The following SMPD3 variants were observed in gnomAD, a reference collection of about 807,000 sequenced individuals.
The protein encoded by SMPD3 is nSMase-2.
A neutral mutation model predicts 55.7 loss-of-function variants in SMPD3; 21 were observed. The ratio of observed to expected loss-of-function variants is 0.38; its 90% confidence interval spans 0.27 to 0.54. The LOEUF is 0.54. Ranked by LOEUF, SMPD3 falls within the 20% of genes least tolerant of loss-of-function variation. The pLI is 0.80. For synonymous variants in SMPD3, 457 were observed against 404.3 expected, an observed-to-expected ratio of 1.13 and a Z score of -1.56; for missense variants, 842 against 899.6, an observed-to-expected ratio of 0.94 and a Z score of 0.82.
chr16:68,411,663 G>A (rs888919038), intron 1 of SMPD3, among the ~76,000 whole-genome samples: 2 of 152,216 alleles, frequency 1.3e-5, no homozygotes, highest in Non-Finnish European at 1.5e-5. Context: ...CAGCAGCCAC[G>A]TAGAGCATCC....
intron 1 of SMPD3, among the ~76,000 whole-genome samples, chr16:68,420,337 T>A (rs1261917933): frequency 6.6e-6 from 1 of 152,240 alleles, no homozygotes; most frequent in Admixed American, 6.5e-5. Context: ...ACAATTGTTA[T>A]TGTCCCACTT....
intron 5 of SMPD3, 59 bp downstream of exon 5, chr16:68,364,692 G>T (rs182101010): frequency 2.8e-5 from 44 of 1,558,110 alleles, no homozygotes; most frequent in Non-Finnish European, 3.6e-5. Context: ...GTCTAGCTGT[G>T]ACTGAGCCCA....
intron 2 of SMPD3, among the ~76,000 whole-genome samples, chr16:68,385,914 GT>G (rs2090045405): frequency 6.6e-6 from 1 of 150,552 alleles, no homozygotes; most frequent in African/African-American, 2.5e-5. Flanking sequence ...CCAACTCTGG[GT>G]TTTAACATTA....
In SMPD3 at chr16:68,371,844, C is replaced by G; in HGVS notation, c.338G>C (p.Ser113Thr). The change falls in exon 3 of 9, where the codon AGT (serine) becomes ACT (threonine). Residue 113 changes from serine to threonine, a missense_variant. By Grantham distance (58) the Ser-to-Thr change is moderately conservative (BLOSUM62 1). This residue lies in a region of SMPD3 where 193 missense variants were observed against 256.0 expected (regional missense o/e 0.75). Coordinates refer to ENST00000219334, the MANE Select transcript of SMPD3 (RefSeq NM_018667.4). Reference sequence around the variant, plus strand: ...GCCAGGCCCCGTGCCCTTCCATTCACTGAGCAGGGCTGCCCCACCGGCCAG... The same window carrying G: ...GCCAGGCCCCGTGCCCTTCCATTCAGTGAGCAGGGCTGCCCCACCGGCCAG... ...KGLAGGAALL[S>T]EWKGTGPGKS... 1 of 1,605,528 alleles carries G rather than the reference C, an allele frequency of 6.2e-7. No homozygotes were observed. Among genetic ancestry groups the G allele is most frequent in the Non-Finnish European group, 8.5e-7 (1 of 1,177,006 alleles).
Position 68,382,933 on chromosome 16 carries a change from C to G in SMPD3, c.-207+3665G>C, listed in dbSNP as rs528357423. ...CTCTGCTCACTGCAACCTCCACCCCCCACTGGGCTCAAGCGATTCTCCTGC... is the reference window on the plus strand; with the variant it reads ...CTCTGCTCACTGCAACCTCCACCCCGCACTGGGCTCAAGCGATTCTCCTGC... On this transcript the variant is annotated intron_variant, in intron 2 of 8. Coordinates refer to ENST00000219334, the MANE Select transcript of SMPD3 (RefSeq NM_018667.4). 7.9e-5 allele frequency among the ~76,000 whole-genome samples: 12 copies of G among 152,230 alleles called. No individual in the cohort carries two copies. The South Asian group carries it at 8.3e-4, about 10-fold the overall frequency.
rs909031990 is a variant in SMPD3, at chr16:68,404,153, C to T, written c.-268-17494G>A. Among the ~76,000 whole-genome samples, 1 of 151,388 alleles carries T rather than the reference C, an allele frequency of 6.6e-6. No homozygotes were observed. Among genetic ancestry groups the T allele is most frequent in the African/African-American group, 2.4e-5 (1 of 41,162 alleles). On this transcript the variant is annotated intron_variant, in intron 1 of 8. Transcript: ENST00000219334. The surrounding 1 kb of genome is among the most constrained non-coding windows in gnomAD (Gnocchi z 4.0). Reference sequence around the variant, plus strand: ...ACCTCAGCCTCCCGAGTAGCTGGGACTACTCAGTGCACACCACCACGCCCA... The same window carrying T: ...ACCTCAGCCTCCCGAGTAGCTGGGATTACTCAGTGCACACCACCACGCCCA...
Position 68,370,966 on chromosome 16 carries a change from C to T in SMPD3, c.1216G>A (p.Gly406Ser). 1.9e-6 allele frequency: 3 copies of T among 1,614,002 alleles called. No individual in the cohort carries two copies. The highest frequency in any genetic ancestry group is 1.1e-5 in the South Asian group (1 of 91,078). Residue 406 changes from glycine to serine, a missense_variant, in exon 3 of 9, where the codon GGC becomes AGC. Around this residue, in one of 2 missense-constraint regions of SMPD3, gnomAD observed 649 missense variants for 643.6 expected, o/e 1.01. Coordinates refer to ENST00000219334, the MANE Select transcript of SMPD3 (RefSeq NM_018667.4). ...GCCSFKCLNS[G>S]LLFASRYPIM... ...GGGTAGCGGCTGGCAAAGAGGAGGC[C>T]GCTGTTGAGACACTTGAAGCTGCAG...
intron 2 of SMPD3, among the ~76,000 whole-genome samples, chr16:68,375,793 A>T (rs886291550): frequency 1.3e-5 from 2 of 152,190 alleles, no homozygotes; most frequent in African/African-American, 2.4e-5. Flanking sequence ...TTATTCAGGA[A>T]TTGATGGGAT....
chr16:68,395,423 C>T (rs2090146892), intron 1 of SMPD3, among the ~76,000 whole-genome samples: 1 of 152,220 alleles, frequency 6.6e-6, no homozygotes, highest in Non-Finnish European at 1.5e-5. Context: ...ATTTTATTAG[C>T]TGTTTGTCTT....
chr16:68,361,656 G>A lies in SMPD3; in HGVS notation c.1813C>T (p.Arg605Cys). Residue 605 changes from arginine (R) to cysteine (C), a missense_variant, in exon 8 of 9, where the codon CGC becomes TGC. Arg to Cys is a radical substitution (Grantham distance 180, BLOSUM62 -3). This residue lies in a region of SMPD3 where 649 missense variants were observed against 643.6 expected (regional missense o/e 1.01). Transcript: ENST00000219334. ...TCTGCATGCAGCATGTAGTCGATGC[G>A]CCGGCCGTTGCCCTTCAGCAGCTCC... is the stretch of plus-strand genomic sequence containing the variant. Reference protein sequence around the residue: ...RKELLKGNGRRIDYMLHAEEG... With the variant: ...RKELLKGNGRCIDYMLHAEEG... The A allele has an allele frequency of 6.2e-7, 1 of 1,611,996 alleles. No individual in the cohort carries two copies. Among genetic ancestry groups the A allele is most frequent in the Non-Finnish European group, 8.5e-7 (1 of 1,179,974 alleles).
chr16:68,399,196 G>A (rs982078573), intron 1 of SMPD3, among the ~76,000 whole-genome samples: 3 of 152,140 alleles, frequency 2.0e-5, no homozygotes, highest in Admixed American at 2.0e-4. Flanking sequence ...TTGGGGGGAG[G>A]TCACTTCAGG....
intron 1 of SMPD3, among the ~76,000 whole-genome samples, chr16:68,420,236 C>G (rs974393795): frequency 2.0e-5 from 3 of 152,140 alleles, no homozygotes; most frequent in Non-Finnish European, 4.4e-5. Flanking sequence ...AGCCACCATG[C>G]CCGGCCATTA....
chr16:68,406,887 G>A (rs1208437193), intron 1 of SMPD3, among the ~76,000 whole-genome samples: 2 of 152,214 alleles, frequency 1.3e-5, no homozygotes, highest in African/African-American at 2.4e-5. Context: ...CAGTCAGCTG[G>A]CAGGAATGAA....
At chr16:68,421,642 T>C (rs1365658864) in intron 1 of SMPD3, among the ~76,000 whole-genome samples, 1 of 152,194 alleles carries the variant, frequency 6.6e-6, no homozygotes, top group Non-Finnish European at 1.5e-5. Context: ...CAGACACATC[T>C]CTTTGACTTG....
In SMPD3 at chr16:68,360,368, C is replaced by T. The variant is rs908556282; in HGVS notation, c.*838G>A. ...TCCTGTAAAAAAAAAAGTGGATACTCTCTTCTCGGATCCCCGTTTATGGCT... is the reference window on the plus strand; with the variant it reads ...TCCTGTAAAAAAAAAAGTGGATACTTTCTTCTCGGATCCCCGTTTATGGCT... On this transcript the variant is annotated 3_prime_UTR_variant, in exon 9 of 9. Coordinates refer to ENST00000219334, the MANE Select transcript of SMPD3 (RefSeq NM_018667.4). 28 of 151,794 alleles carry T rather than the reference C, an allele frequency of 1.8e-4. No individual in the cohort carries two copies. Among genetic ancestry groups the T allele is most frequent in the African/African-American group, 6.5e-4 (27 of 41,344 alleles). The allele number at this position is 151,794 out of a possible 1,614,324, so 9.4% of individuals were successfully genotyped here.
rs1236658167 is a variant in SMPD3, at chr16:68,361,021, C to G, written c.*185G>C. On this transcript the variant is annotated 3_prime_UTR_variant, in exon 9 of 9. Transcript: ENST00000219334. The stretch of plus-strand genomic sequence containing the variant: ...GGAGGCTCCTGGGGCGGGCCTGACT[C>G]CTCTGTCCACAGTGAGGCCCAGAGG... The G allele has an allele frequency of 6.8e-6, 4 of 590,722 alleles. No individual in the cohort carries two copies. Among genetic ancestry groups the G allele is most frequent in the East Asian group, 2.9e-5 (1 of 34,666 alleles). The allele number at this position is 590,722 out of a possible 1,614,324, so 36.6% of individuals were successfully genotyped here.
Position 68,363,851 on chromosome 16 carries a change from T to G in SMPD3, c.1571A>C (p.Gln524Pro). The G allele has an allele frequency of 6.4e-7, 1 of 1,565,514 alleles. No homozygotes were observed. The highest frequency in any genetic ancestry group is 8.7e-7 in the Non-Finnish European group (1 of 1,154,890). Residue 524 changes from glutamine (Q) to proline (P), a missense_variant, in exon 6 of 9, where the codon CAG becomes CCG. Transcript: ENST00000219334. ...GTAGTGGGTGAACAGGGAGTGTTGCTGCTCCAGCTTGTCGTCTGTGCGGGG... is the reference window on the plus strand; with the variant it reads ...GTAGTGGGTGAACAGGGAGTGTTGCGGCTCCAGCTTGTCGTCTGTGCGGGG... ...DNCSSDDKLE[Q>P]QHSLFTHYRD...
chr16:68,397,195 C>CTTA, intron 1 of SMPD3, among the ~76,000 whole-genome samples: 1 of 152,126 alleles, frequency 6.6e-6, no homozygotes, highest in South Asian at 2.1e-4. Context: ...CAGGAGGCAC[C>CTTA]CATAGGTAAG....
At chr16:68,380,353 G>A (rs1162069937) in intron 2 of SMPD3, among the ~76,000 whole-genome samples, 1 of 152,258 alleles carries the variant, frequency 6.6e-6, no homozygotes, top group Admixed American at 6.5e-5. Flanking sequence ...TCAGGATGAA[G>A]ATGGGGAACC....
Sources: allele counts gnomAD v4.1 joint callset (sites outside exome capture counted in the v4.1 genomes callset), GRCh38; gene constraint gnomAD v4.1.1; regional missense constraint gnomAD v4.1.1; non-coding constraint Gnocchi (gnomAD v3.1); transcripts MANE v1.5; gene names NCBI Gene and HGNC (gene_info 2026-07-23, HGNC 2026-07-21).